Variants in MAEA observed in about 807,000 individuals in gnomAD.
MAEA encodes the protein macrophage erythroblast attacher, E3 ubiquitin ligase, also known as E3 ubiquitin-protein transferase MAEA.
MAEA carries 22 observed loss-of-function variants against 46.2 expected under a neutral mutation model. The observed-to-expected ratio is 0.48, with a 90% confidence interval of 0.34 to 0.68. MAEA has a LOEUF of 0.68. Ranked by LOEUF, MAEA falls within the 30% of genes least tolerant of loss-of-function variation. The pLI is 0.01. For synonymous variants in MAEA, 246 were observed against 222.6 expected (o/e 1.11, Z -0.94); for missense variants, 393 against 558.1 (o/e 0.70, Z 2.98).
intron 1 of MAEA, among the ~76,000 whole-genome samples, chr4:1,310,244 C>A (rs1449645452): frequency 6.6e-6 from 1 of 152,222 alleles, no homozygotes; most frequent in Non-Finnish European, 1.5e-5. Flanking sequence ...TCGGGGGGGC[C>A]TTCCCCAGTG....
chr4:1,330,238 T>C, intron 5 of MAEA: 1 of 678,012 alleles, frequency 1.5e-6, no homozygotes, highest in Non-Finnish European at 1.8e-6. Context: ...TGTGAGCAGC[T>C]CCGTGCCGTC....
chr4:1,329,376 C>T (rs944465649), intron 5 of MAEA: 13 of 985,330 alleles, frequency 1.3e-5, no homozygotes, highest in Admixed American at 6.1e-5. Flanking sequence ...TAGAGACTCG[C>T]GGGGCCTCCA....
At chr4:1,322,809 G>A (rs1378173613) in intron 4 of MAEA, among the ~76,000 whole-genome samples, 1 of 152,170 alleles carries the variant, frequency 6.6e-6, no homozygotes, top group Non-Finnish European at 1.5e-5. Flanking sequence ...CTGGAGACAG[G>A]TCAGTCCTGC....
intron 3 of MAEA, among the ~76,000 whole-genome samples, chr4:1,321,805 C>G (rs1027149803): frequency 1.3e-5 from 2 of 152,126 alleles, no homozygotes; most frequent in Non-Finnish European, 2.9e-5. Context: ...GCACTGAGCA[C>G]CCACCCCCTG....
At chr4:1,321,214 C>G (rs1447879880) in intron 3 of MAEA, among the ~76,000 whole-genome samples, 1 of 151,230 alleles carries the variant, frequency 6.6e-6, no homozygotes, top group Non-Finnish European at 1.5e-5. Flanking sequence ...ATCATCAAAG[C>G]AAATGTGCAA....
chr4:1,320,024 G>A (rs1737830875), intron 3 of MAEA, among the ~76,000 whole-genome samples: 1 of 151,466 alleles, frequency 6.6e-6, no homozygotes, highest in Non-Finnish European at 1.5e-5. Flanking sequence ...GCTATGAAGG[G>A]GCTCCAGAAA....
At chr4:1,317,364 G>A (rs1451422255) in intron 3 of MAEA, among the ~76,000 whole-genome samples, 5 of 124,110 alleles carry the variant, frequency 4.0e-5, no homozygotes, top group Admixed American at 3.2e-4. Flanking sequence ...CCCACACTCC[G>A]GACTCATCTG....
intron 1 of MAEA, among the ~76,000 whole-genome samples, chr4:1,294,228 G>A (rs899509892): frequency 1.3e-5 from 2 of 152,166 alleles, no homozygotes; most frequent in African/African-American, 2.4e-5. Context: ...CACTCCCCTC[G>A]CCTCTCCCAC....
At chr4:1,312,242 A>G (rs748456719) in intron 2 of MAEA, 81 bp downstream of exon 2, 1 of 1,544,326 alleles carries the variant, frequency 6.5e-7, no homozygotes, top group South Asian at 1.2e-5. Flanking sequence ...AAGACAGGCA[A>G]GCTGCAATGA....
rs1447942358 is a variant in MAEA at position 1,311,724 on chromosome 4, T to A, written c.70-255T>A. ...TATTCTGGATGAACTTTGGGATTAT[T>A]TTGTCAACATACACGTACAATGTTT... On this transcript the variant is annotated intron_variant, in intron 1 of 8. Transcript: ENST00000303400. This position sits in a 1 kb window ranked among gnomAD's most constrained non-coding sequence, Gnocchi z 4.4. Among the ~76,000 whole-genome samples, 1 of 152,188 alleles carries A rather than the reference T, an allele frequency of 6.6e-6. No homozygotes were observed. Among genetic ancestry groups the A allele is most frequent in the Non-Finnish European group, 1.5e-5 (1 of 68,036 alleles).
At chr4:1,309,588 G>A (rs1165229156) in intron 1 of MAEA, 2 of 1,501,022 alleles carry the variant, frequency 1.3e-6, no homozygotes, top group Non-Finnish European at 1.8e-6. Flanking sequence ...AGGAGCAGAG[G>A]CAGGGAGGTG....
intron 4 of MAEA, 61 bp from the exon 5 acceptor site, chr4:1,327,566 C>T: frequency 2.4e-6 from 3 of 1,242,930 alleles, no homozygotes; most frequent in Admixed American, 1.7e-5. Flanking sequence ...GGGTGCGGCA[C>T]CCGGGCACCT....
chr4:1,290,611 G>A (rs1430284516), intron 1 of MAEA, among the ~76,000 whole-genome samples: 1 of 152,238 alleles, frequency 6.6e-6, no homozygotes, highest in Non-Finnish European at 1.5e-5. Flanking sequence ...CTAGTTAGTA[G>A]AGGATTTGAT....
chr4:1,315,510 G>A lies in MAEA; in HGVS notation c.366G>A (p.Arg122=), dbSNP rs1577179540. 6.2e-7 allele frequency: 1 copy of A among 1,613,934 alleles called. No homozygotes were observed. ...DQPAAASVWK[R]KRMDRMMVEH... ...CCGCGGCGGCCAGCGTGTGGAAGAGGAAGCGCATGGATCGCATGATGGTGG... is the reference window on the plus strand; with the variant it reads ...CCGCGGCGGCCAGCGTGTGGAAGAGAAAGCGCATGGATCGCATGATGGTGG... The change falls in exon 3 of 9, where the codon AGG becomes AGA. Residue 122 remains arginine, a synonymous_variant. Transcript: ENST00000303400.
Position 1,311,963 on chromosome 4 carries a change from C to A in MAEA, c.70-16C>A. 1 of 1,598,292 alleles carries A rather than the reference C, an allele frequency of 6.3e-7. No homozygotes were observed. Among genetic ancestry groups the A allele is most frequent in the South Asian group, 1.1e-5 (1 of 89,672 alleles). Reference sequence around the variant, plus strand: ...ACCAGGGGAGCAGATCCCTCACCATCCTCCTTCCTCTCCAGGTGCCCTACG... The same window carrying A: ...ACCAGGGGAGCAGATCCCTCACCATACTCCTTCCTCTCCAGGTGCCCTACG... On this transcript the variant is annotated splice_polypyrimidine_tract_variant and intron_variant, in intron 1 of 8. Coordinates refer to ENST00000303400, the MANE Select transcript of MAEA (RefSeq NM_001017405.3). This position sits in a 1 kb window ranked among gnomAD's most constrained non-coding sequence, Gnocchi z 4.4.
At chr4:1,308,564 C>G (rs74348612) in intron 1 of MAEA, among the ~76,000 whole-genome samples, 2 of 152,218 alleles carry the variant, frequency 1.3e-5, no homozygotes, top group African/African-American at 4.8e-5. Flanking sequence ...CCCGCTGCTC[C>G]GCTTCCTGCC....
At position 1,315,553 on chromosome 4, in the gene MAEA, G is replaced by A. The variant is rs1011606213; in HGVS notation, c.409G>A (p.Gly137Ser). 6 of 1,613,708 alleles carry A rather than the reference G, an allele frequency of 3.7e-6. No individual in the cohort carries two copies. The highest frequency in any genetic ancestry group is 2.7e-5 in the African/African-American group (2 of 75,038). ...GATGGTGGAGCACCTGCTGCGTTGC[G>A]GCTACTACAACACGGCTGTCAAGCT... ...RMMVEHLLRC[G>S]YYNTAVKLAR... is the part of the protein sequence containing the mutation. Residue 137 changes from glycine to serine, a missense_variant, in exon 3 of 9, where the codon GGC (glycine) becomes AGC (serine). Gly to Ser is a moderately conservative substitution (Grantham distance 56). Around this residue, in one of 2 missense-constraint regions of MAEA, gnomAD observed 358 missense variants for 537.9 expected, o/e 0.67. Coordinates refer to ENST00000303400, the MANE Select transcript of MAEA (RefSeq NM_001017405.3).
At position 1,317,545 on chromosome 4, in the gene MAEA, T is replaced by TTG. The variant is rs1180951839; in HGVS notation, c.456+1958_456+1959dup. 1.3e-4 allele frequency among the ~76,000 whole-genome samples: 19 copies of TTG among 151,468 alleles called. No homozygotes were observed. The East Asian group carries it at 1.8e-3, about 14-fold the overall frequency. ...CCCCACTGCTGCACAGCCTCCCTGC[T>TTG]TGTGTGTGTGTGTGGTGTCCGTCCT... On this transcript the variant is annotated intron_variant, in intron 3 of 8. Coordinates refer to ENST00000303400, the MANE Select transcript of MAEA (RefSeq NM_001017405.3).
chr4:1,290,428 C>T (rs1733982173), intron 1 of MAEA, among the ~76,000 whole-genome samples: 2 of 152,162 alleles, frequency 1.3e-5, no homozygotes, highest in Non-Finnish European at 2.9e-5. Flanking sequence ...TAGGGAGAAA[C>T]CTCACGGCCT....
Sources: gnomAD v4.1 joint callset for allele counts (sites outside exome capture counted in the v4.1 genomes callset) on GRCh38, gnomAD v4.1.1 for gene constraint, gnomAD v4.1.1 regional missense constraint, Gnocchi (gnomAD v3.1) non-coding constraint, MANE v1.5 for transcripts, NCBI Gene and HGNC (gene_info 2026-07-23, HGNC 2026-07-21) for gene names.